The following ADAM22 variants were observed in gnomAD, a reference collection of about 807,000 sequenced individuals.
ADAM22 encodes the protein ADAM metallopeptidase domain 22, also known as disintegrin and metalloproteinase domain-containing protein 22.
ADAM22 carries 65 observed loss-of-function variants against 144.6 expected under a neutral mutation model. That is an observed-to-expected ratio of 0.45 (90% CI 0.37 to 0.55). The LOEUF is 0.55. Among genes scored for constraint, ADAM22 ranks in the 20% least tolerant of loss-of-function variants. The pLI is 0.00. For missense variants in ADAM22, 974 were observed against 1,184.9 expected (o/e 0.82, Z 2.61); for synonymous variants, 391 against 412.6 (o/e 0.95, Z 0.63).
intron 14 of ADAM22, among the ~76,000 whole-genome samples, chr7:88,138,276 T>A (rs1309478773): frequency 6.6e-6 from 1 of 152,232 alleles, no homozygotes; most frequent in Non-Finnish European, 1.5e-5. Flanking sequence ...TACTAGAGAT[T>A]CTTGTCTTTT....
At chr7:88,130,335 GA>G in intron 9 of ADAM22, 52 bp from the exon 10 acceptor site, 1 of 1,375,810 alleles carries the variant, frequency 7.3e-7, no homozygotes, top group Non-Finnish European at 1.0e-6. Context: ...CTGATGAGAT[GA>G]TTGTTTTCTG....
chr7:88,045,027 T>C (rs1804222871), intron 3 of ADAM22, among the ~76,000 whole-genome samples: 1 of 149,012 alleles, frequency 6.7e-6, no homozygotes, highest in Admixed American at 6.8e-5. Context: ...ACCCGGCCTT[T>C]TTTTCTTGAG....
intron 17 of ADAM22, among the ~76,000 whole-genome samples, chr7:88,147,113 A>G: frequency 6.6e-6 from 1 of 152,372 alleles, no homozygotes; most frequent in Middle Eastern, 3.4e-3. Context: ...TCAAGGAACA[A>G]GTAGAAAATA....
intron 2 of ADAM22, among the ~76,000 whole-genome samples, chr7:87,945,082 T>G (rs1843362596): frequency 6.6e-6 from 1 of 152,102 alleles, no homozygotes; most frequent in Admixed American, 6.5e-5. Context: ...CATTTTACAG[T>G]TTAGACTTTA....
At chr7:88,158,516 C>T (rs1293676422) in intron 22 of ADAM22, among the ~76,000 whole-genome samples, 1 of 152,094 alleles carries the variant, frequency 6.6e-6, no homozygotes, top group Non-Finnish European at 1.5e-5. Context: ...AAACAATCCT[C>T]AGCAAATGCT....
chr7:88,023,068 C>G (rs1798177221), intron 3 of ADAM22, among the ~76,000 whole-genome samples: 1 of 152,120 alleles, frequency 6.6e-6, no homozygotes, highest in African/African-American at 2.4e-5. Context: ...CCTGACTTAA[C>G]CAAAATAATG....
chr7:88,096,277 A>C (rs972020435), intron 4 of ADAM22, among the ~76,000 whole-genome samples: 6 of 151,714 alleles, frequency 4.0e-5, no homozygotes, highest in African/African-American at 1.5e-4. Context: ...TTCTTTACCA[A>C]AATATATTTT....
At chr7:88,019,857 ATGTGTG>A (rs35909431) in intron 3 of ADAM22, among the ~76,000 whole-genome samples, 3,278 of 139,000 alleles carry the variant, frequency 0.024, 45 homozygotes, top group African/African-American at 0.036. Flanking sequence ...CTCAAAAAAT[ATGTGTG>A]TGTGTGTGTG....
intron 9 of ADAM22, among the ~76,000 whole-genome samples, chr7:88,128,993 C>G (rs1291955935): frequency 6.6e-6 from 1 of 151,892 alleles, no homozygotes; most frequent in Non-Finnish European, 1.5e-5. Context: ...AATGGAAATT[C>G]CATTATATAT....
chr7:87,963,845 C>A (rs1267390374), intron 2 of ADAM22, among the ~76,000 whole-genome samples: 1 of 152,068 alleles, frequency 6.6e-6, no homozygotes, highest in African/African-American at 2.4e-5. Context: ...GTTCAATGAG[C>A]CTTTGATATG....
intron 24 of ADAM22, among the ~76,000 whole-genome samples, chr7:88,167,881 T>C (rs538440637): frequency 6.6e-6 from 1 of 152,306 alleles, no homozygotes; most frequent in Non-Finnish European, 1.5e-5. Flanking sequence ...TTTAGTTTAA[T>C]GACATCATGG....
At position 88,145,408 on chromosome 7, in the gene ADAM22, T is replaced by G. The variant is rs75477749; in HGVS notation, c.1393-7T>G. ...TCTGATGTTTTGAAAATGTTTATAT[T>G]CCTTAGGAATGTGTCCTTGAAGGAG... On this transcript the variant is annotated splice_region_variant and splice_polypyrimidine_tract_variant and intron_variant, in intron 16 of 31. Coordinates refer to ENST00000413139, the MANE Select transcript of ADAM22 (RefSeq NM_001324418.2). 1,550 of 1,608,630 alleles carry G rather than the reference T, an allele frequency of 9.6e-4. 15 individuals are homozygous for G. The African/African-American group carries it at 0.018, about 19-fold the overall frequency.
At chr7:88,189,892 C>T (rs565074230) in intron 30 of ADAM22, among the ~76,000 whole-genome samples, 32 of 150,980 alleles carry the variant, frequency 2.1e-4, no homozygotes, top group African/African-American at 7.5e-4. Context: ...TGTAGTGAGC[C>T]GAGATCACAC....
rs1211939267 is a variant in ADAM22 at position 88,200,439 on chromosome 7, GCA to G, written c.*3951_*3952del. ...GCGAGGAGGGACAAGACAGCTGCCT[GCA>G]CAGTCTGATAGGACACATCTGGCTG... On this transcript the variant is annotated 3_prime_UTR_variant, in exon 32 of 32. Transcript: ENST00000413139. 6.6e-6 allele frequency: 1 copy of G among 152,240 alleles called. No individual in the cohort carries two copies. The highest frequency in any genetic ancestry group is 2.4e-5 in the African/African-American group (1 of 41,460). The allele number at this position is 152,240 out of a possible 1,614,324, so 9.4% of individuals were successfully genotyped here. A position where few individuals can be genotyped will look rare whatever the true frequency, so the allele number is the denominator to read the frequency against.
intron 2 of ADAM22, among the ~76,000 whole-genome samples, chr7:87,974,006 G>A (rs1232391073): frequency 6.6e-6 from 1 of 151,668 alleles, no homozygotes; most frequent in African/African-American, 2.4e-5. Flanking sequence ...GTTAATGGGT[G>A]CAGCACACCA....
At chr7:88,167,834 T>A (rs1326031909) in intron 24 of ADAM22, among the ~76,000 whole-genome samples, 1 of 152,188 alleles carries the variant, frequency 6.6e-6, no homozygotes, top group Non-Finnish European at 1.5e-5. Flanking sequence ...ACAGATTTTC[T>A]ACAAGTTCCT....
At chr7:88,121,987 A>T (rs1829418688) in intron 7 of ADAM22, among the ~76,000 whole-genome samples, 1 of 152,224 alleles carries the variant, frequency 6.6e-6, no homozygotes, top group African/African-American at 2.4e-5. Context: ...CACACTTATT[A>T]TCTCACAGTT....
chr7:88,008,371 A>G lies in ADAM22; in HGVS notation c.323+29959A>G, dbSNP rs548235169. Among the ~76,000 whole-genome samples the G allele has an allele frequency of 5.3e-5, 8 of 149,878 alleles. No homozygotes were observed. In the South Asian group the frequency reaches 1.5e-3, roughly 28 times the overall value. On this transcript the variant is annotated intron_variant, in intron 3 of 31. Coordinates refer to ENST00000413139, the MANE Select transcript of ADAM22 (RefSeq NM_001324418.2). ...TCCTCAGGGATCTAGAACTAGAAATACCATTTGACCCAGCCATCCCATTAC... is the reference window on the plus strand; with the variant it reads ...TCCTCAGGGATCTAGAACTAGAAATGCCATTTGACCCAGCCATCCCATTAC...
intron 3 of ADAM22, among the ~76,000 whole-genome samples, chr7:88,069,383 A>G (rs1233866080): frequency 6.6e-6 from 1 of 152,156 alleles, no homozygotes; most frequent in African/African-American, 2.4e-5. Context: ...TGTTCATTCT[A>G]CATTACCTAG....
Sources: allele counts gnomAD v4.1 joint callset (sites outside exome capture counted in the v4.1 genomes callset), GRCh38; gene constraint gnomAD v4.1.1; transcripts MANE v1.5; gene names NCBI Gene and HGNC (gene_info 2026-07-23, HGNC 2026-07-21).